The following IFI16 variants were observed in gnomAD, a reference collection of about 807,000 sequenced individuals.
The protein encoded by IFI16 is interferon gamma inducible protein 16.
A neutral mutation model predicts 68.4 loss-of-function variants in IFI16; 49 were observed. The ratio of observed to expected loss-of-function variants is 0.72; its 90% CI spans 0.57 to 0.91. The LOEUF is 0.91. Ranked by LOEUF, IFI16 falls within the 40% of genes least tolerant of loss-of-function variation. The pLI is 0.00. For synonymous variants in IFI16, 307 were observed against 315.0 expected (o/e 0.97, Z 0.27); for missense variants, 878 against 942.9 (o/e 0.93, Z 0.90).
In IFI16 at chr1:159,045,382, T is replaced by C; in HGVS notation, c.1415T>C (p.Met472Thr). ...GGGAGTCATTTTCCAGGACCGTTCA[T>C]GACCAGCATAGGCCCAGCTGAGAGC... Reference protein sequence around the residue: ...KEGSHFPGPFMTSIGPAESHP... With the variant: ...KEGSHFPGPFTTSIGPAESHP... The change falls in exon 8 of 12, where the codon ATG (methionine) becomes ACG (threonine). Residue 472 changes from methionine to threonine, a missense_variant. Coordinates refer to ENST00000295809, the MANE Select transcript of IFI16 (RefSeq NM_001376587.1). The C allele has an allele frequency of 3.1e-6, 5 of 1,587,496 alleles. No individual in the cohort carries two copies. The highest frequency in any genetic ancestry group is 4.3e-6 in the Non-Finnish European group (5 of 1,159,552).
intron 7 of IFI16, among the ~76,000 whole-genome samples, chr1:159,037,355 T>C (rs1163524785): frequency 1.3e-5 from 2 of 152,210 alleles, no homozygotes; most frequent in African/African-American, 4.8e-5. Flanking sequence ...AAAGGTTGTC[T>C]CACCACTCAC....
intron 9 of IFI16, among the ~76,000 whole-genome samples, chr1:159,050,618 T>A (rs933336665): frequency 1.3e-5 from 2 of 151,890 alleles, no homozygotes; most frequent in African/African-American, 4.8e-5. Flanking sequence ...TGCCTCCATG[T>A]TCTGGTCTCT....
At position 159,025,057 on chromosome 1, in the gene IFI16, C is replaced by T. The variant is rs186317565; in HGVS notation, c.1161+4528C>T. Among the ~76,000 whole-genome samples the T allele has an allele frequency of 1.1e-4, 17 of 151,676 alleles. No individual in the cohort carries two copies. The East Asian group carries it at 3.1e-3, about 28-fold the overall frequency. On this transcript the variant is annotated intron_variant, in intron 6 of 11. Transcript: ENST00000295809. ...TGGTTTTCAGGCTGGTGCTGGTGTA[C>T]TGGAAATTCTAGGGGTGGTACCTGT...
intron 9 of IFI16, among the ~76,000 whole-genome samples, chr1:159,050,330 A>T (rs933325161): frequency 6.6e-6 from 1 of 152,206 alleles, no homozygotes; most frequent in African/African-American, 2.4e-5. Flanking sequence ...ATAAGATCAC[A>T]TGTCTCTCAG....
At chr1:159,011,842 A>C (rs1180931256) in intron 1 of IFI16, among the ~76,000 whole-genome samples, 1 of 152,202 alleles carries the variant, frequency 6.6e-6, no homozygotes, top group Non-Finnish European at 1.5e-5. Context: ...GTTGTCACTT[A>C]ACAGGTCAGA....
At position 159,018,508 on chromosome 1, in the gene IFI16, T is replaced by C. The variant is rs1187390424; in HGVS notation, c.829T>C (p.Ser277Pro). Residue 277 changes from serine to proline, a missense_variant, in exon 5 of 12, where the codon TCT (serine) becomes CCT (proline). Coordinates refer to ENST00000295809, the MANE Select transcript of IFI16 (RefSeq NM_001376587.1). The part of the protein sequence containing the change: ...YDSLLEVNEE[S>P]TVSEAGPNQT... ...TAGTCTCCTAGAGGTCAATGAAGAA[T>C]CTACTGTATCTGAAGCTGGTCCTAA... The C allele has an allele frequency of 6.2e-7, 1 of 1,614,078 alleles. No individual in the cohort carries two copies. The highest frequency in any genetic ancestry group is 1.1e-5 in the South Asian group (1 of 91,086).
intron 6 of IFI16, 117 bp downstream of exon 6, chr1:159,020,646 C>A: frequency 1.6e-6 from 1 of 610,114 alleles, no homozygotes; most frequent in Non-Finnish European, 2.8e-6. Flanking sequence ...CATGAGAAAA[C>A]AGATATTCTC....
chr1:159,054,968 T>C lies in IFI16; in HGVS notation c.*67T>C. On this transcript the variant is annotated 3_prime_UTR_variant, in exon 12 of 12. Coordinates refer to ENST00000295809, the MANE Select transcript of IFI16 (RefSeq NM_001376587.1). ...CTAAGTGCCTAAAAAAATGTACATA[T>C]ACCTGGTTGAAATACAACACTATAC... The C allele has an allele frequency of 4.9e-6, 4 of 815,448 alleles. 1 individual carries two copies. The highest frequency in any genetic ancestry group is 4.6e-5 in the South Asian group (3 of 64,992). The allele number at this position is 815,448 out of a possible 1,614,324, so 50.5% of individuals were successfully genotyped here.
chr1:159,034,214 T>C (rs1654177635), intron 7 of IFI16, among the ~76,000 whole-genome samples: 1 of 152,206 alleles, frequency 6.6e-6, no homozygotes, highest in Admixed American at 6.5e-5. Flanking sequence ...TAAGGCTGGG[T>C]TTCCTGGAGC....
intron 2 of IFI16, 129 bp downstream of exon 2, chr1:159,015,074 T>C (rs990083052): frequency 9.1e-6 from 8 of 876,564 alleles, no homozygotes; most frequent in Non-Finnish European, 1.4e-5. Flanking sequence ...GCTGAGACAA[T>C]GTTGGTACTT....
At chr1:159,051,308 A>T (rs1655342958) in intron 9 of IFI16, among the ~76,000 whole-genome samples, 1 of 152,026 alleles carries the variant, frequency 6.6e-6, no homozygotes, top group African/African-American at 2.4e-5. Flanking sequence ...AAGGAGTAAA[A>T]CTGAGATTCT....
intron 7 of IFI16, among the ~76,000 whole-genome samples, chr1:159,036,435 A>G (rs1340013600): frequency 6.6e-6 from 1 of 152,234 alleles, no homozygotes; most frequent in Admixed American, 6.5e-5. Context: ...CTAAACACCA[A>G]GGATCTTAGA....
intron 1 of IFI16, among the ~76,000 whole-genome samples, chr1:159,011,002 G>A (rs145405447): frequency 4.8e-4 from 73 of 152,180 alleles, no homozygotes; most frequent in African/African-American, 1.6e-3. Context: ...TGTTAATTAC[G>A]TTGTTCAAAT....
At position 159,051,718 on chromosome 1, in the gene IFI16, A is replaced by G. The variant is rs745870911; in HGVS notation, c.1705A>G (p.Ile569Val). ...RLKTEPEEVS[I>V]EDSAQSDLKE... Reference sequence around the variant, plus strand: ...GAAGACTGAACCTGAAGAAGTTTCCATAGAAGACAGTGCCCAGAGTGACCT... The same window carrying G: ...GAAGACTGAACCTGAAGAAGTTTCCGTAGAAGACAGTGCCCAGAGTGACCT... Residue 569 changes from isoleucine to valine, a missense_variant, in exon 10 of 12, where the codon ATA becomes GTA. Ile to Val is a conservative substitution (Grantham distance 29, BLOSUM62 3). This residue lies in a region of IFI16 where 311 missense variants were observed against 305.1 expected (regional missense o/e 1.02). Transcript: ENST00000295809. 2.6e-5 allele frequency: 42 copies of G among 1,613,710 alleles called. No homozygotes were observed. The highest frequency in any genetic ancestry group is 4.0e-5 in the African/African-American group (3 of 75,022).
chr1:159,009,504 G>C (rs982173080), upstream of IFI16, among the ~76,000 whole-genome samples: 1 of 152,152 alleles, frequency 6.6e-6, no homozygotes, highest in African/African-American at 2.4e-5. Flanking sequence ...GGAAAGGAGG[G>C]GAGAAGAAGC....
chr1:159,019,261 C>CAAAAAA (rs71757653), intron 5 of IFI16, among the ~76,000 whole-genome samples: 43 of 142,488 alleles, frequency 3.0e-4, no homozygotes, highest in Admixed American at 4.9e-4. Context: ...ATATAAATAA[C>CAAAAAA]AAAAAAAAAA....
At chr1:159,014,379 G>A (rs1346608257) in intron 1 of IFI16, among the ~76,000 whole-genome samples, 1 of 151,636 alleles carries the variant, frequency 6.6e-6, no homozygotes, top group Non-Finnish European at 1.5e-5. Flanking sequence ...ACACTGCAGA[G>A]CTCATACTCT....
intron 6 of IFI16, among the ~76,000 whole-genome samples, chr1:159,028,379 T>C (rs1029859846): frequency 6.6e-6 from 1 of 152,130 alleles, no homozygotes; most frequent in African/African-American, 2.4e-5. Context: ...AGAGAGTACT[T>C]GATATAATTT....
chr1:159,021,721 C>T (rs971336233), intron 6 of IFI16, among the ~76,000 whole-genome samples: 1 of 152,118 alleles, frequency 6.6e-6, no homozygotes, highest in African/African-American at 2.4e-5. Flanking sequence ...TTCCCACCAG[C>T]GGTGTAGAAG....
Sources: allele counts gnomAD v4.1 joint callset (sites outside exome capture counted in the v4.1 genomes callset), GRCh38; gene constraint gnomAD v4.1.1; regional missense constraint gnomAD v4.1.1; transcripts MANE v1.5; gene names NCBI Gene and HGNC (gene_info 2026-07-23, HGNC 2026-07-21).